Variants in COPB1 observed in about 807,000 individuals in gnomAD.
COPB1 encodes coatomer subunit beta.
COPB1 carries 21 observed loss-of-function variants against 108.7 expected under a neutral mutation model. The ratio of observed to expected loss-of-function variants is 0.19; its 90% CI spans 0.14 to 0.28. COPB1 has a LOEUF of 0.28. Among genes scored for constraint, COPB1 ranks in the 10% least tolerant of loss-of-function variants. COPB1 has a pLI of 1.00. For synonymous variants in COPB1, 378 were observed against 386.8 expected, an observed-to-expected ratio of 0.98 and a Z score of 0.27; for missense variants, 919 against 1,141.3, an observed-to-expected ratio of 0.81 and a Z score of 2.81.
Position 14,498,899 on chromosome 11 carries a change from C to A in COPB1, c.30G>T (p.Thr10=). MTAAENVCY[T]LINVPMDSEP... ...CTGAATCCATTGGCACGTTAATTAA[C>A]GTGTAGCATACGTTCTCAGCCGCCG... Residue 10 remains threonine (T), a synonymous_variant, in exon 2 of 22, where the codon ACG becomes ACT. Coordinates refer to ENST00000439561, the MANE Select transcript of COPB1 (RefSeq NM_001144061.2). The A allele has an allele frequency of 6.2e-7, 1 of 1,610,030 alleles. No individual in the cohort carries two copies. Among genetic ancestry groups the A allele is most frequent in the South Asian group, 1.1e-5 (1 of 89,832 alleles).
chr11:14,489,222 C>T (rs1484674247), intron 5 of COPB1, among the ~76,000 whole-genome samples: 3 of 152,160 alleles, frequency 2.0e-5, no homozygotes, highest in Non-Finnish European at 4.4e-5. Context: ...AAAACAATAG[C>T]AACAAGTGTT....
At chr11:14,488,457 A>G in intron 6 of COPB1, 35 bp downstream of exon 6, 1 of 1,353,910 alleles carries the variant, frequency 7.4e-7, no homozygotes, top group Non-Finnish European at 1.0e-6. Flanking sequence ...TAAACTGCTG[A>G]GTTTATTTTA....
intron 19 of COPB1, 136 bp from the exon 20 acceptor site, chr11:14,460,433 T>A: frequency 3.4e-6 from 2 of 583,416 alleles, no homozygotes; most frequent in Non-Finnish European, 6.0e-6. Flanking sequence ...CTAAATAACA[T>A]CTATAAAATC....
chr11:14,468,886 CTCTT>C (rs776249852), intron 15 of COPB1, 26 bp from the exon 16 acceptor site: 1 of 1,587,044 alleles, frequency 6.3e-7, no homozygotes, highest in Non-Finnish European at 8.6e-7. Context: ...AACAAAGTCT[CTCTT>C]TAATATGAAA....
chr11:14,461,435 T>C (rs568704335), intron 18 of COPB1, 104 bp from the exon 19 acceptor site: 3 of 1,177,958 alleles, frequency 2.5e-6, no homozygotes, highest in South Asian at 2.9e-5. Context: ...AACAATAAGA[T>C]TGTTTATATA....
At chr11:14,482,667 T>G (rs894858267) in intron 8 of COPB1, among the ~76,000 whole-genome samples, 1 of 152,136 alleles carries the variant, frequency 6.6e-6, no homozygotes, top group African/African-American at 2.4e-5. Context: ...CCCAAGTAGT[T>G]GGGATTACAG....
In COPB1 at chr11:14,498,917, A is replaced by G. The variant is rs978588380; in HGVS notation, c.12T>C (p.Ala4=). MTA[A]ENVCYTLINV... ...TAATTAACGTGTAGCATACGTTCTC[A>G]GCCGCCGTCATGGTTTCTGGTTATA... Residue 4 remains alanine (A), a synonymous_variant, in exon 2 of 22, where the codon GCT becomes GCC. Transcript: ENST00000439561. The G allele has an allele frequency of 5.6e-6, 9 of 1,608,320 alleles. No individual in the cohort carries two copies. The highest frequency in any genetic ancestry group is 2.2e-5 in the East Asian group (1 of 44,796).
Position 14,461,253 on chromosome 11 carries a change from A to C in COPB1, c.2489T>G (p.Ile830Ser). Residue 830 changes from isoleucine to serine, a missense_variant, in exon 19 of 22, where the codon ATC becomes AGC. By Grantham distance (142) the Ile-to-Ser change is moderately radical. Coordinates refer to ENST00000439561, the MANE Select transcript of COPB1 (RefSeq NM_001144061.2). Reference sequence around the variant, plus strand: ...TGCATCAGTGCAAGTTGCAGGCTGGATATAGTCCATGATGTCGATGTGAAT... The same window carrying C: ...TGCATCAGTGCAAGTTGCAGGCTGGCTATAGTCCATGATGTCGATGTGAAT... Reference protein sequence around the residue: ...SDIHIDIMDYIQPATCTDAEF... With the variant: ...SDIHIDIMDYSQPATCTDAEF... 1.2e-6 allele frequency: 2 copies of C among 1,614,186 alleles called. No homozygotes were observed.
At chr11:14,495,754 T>G (rs151285412) in intron 2 of COPB1, among the ~76,000 whole-genome samples, 477 of 152,338 alleles carry the variant, frequency 3.1e-3, no homozygotes, top group South Asian at 9.1e-3. Context: ...CAGCTTCAAT[T>G]AAGACTAGGG....
At chr11:14,457,957 C>A in intron 21 of COPB1, 74 bp from the exon 22 acceptor site, 1 of 865,960 alleles carries the variant, frequency 1.2e-6, no homozygotes, top group Non-Finnish European at 1.7e-6. Flanking sequence ...TATTATTAAG[C>A]CCCAATTCAA....
At position 14,479,474 on chromosome 11, in the gene COPB1, T is replaced by C. The variant is rs1302720221; in HGVS notation, c.1358+95A>G. 8 of 1,229,402 alleles carry C rather than the reference T, an allele frequency of 6.5e-6. No individual in the cohort carries two copies. The South Asian group carries it at 1.3e-4, about 19-fold the overall frequency. 76.2% of individuals were successfully genotyped at this position (1,229,402 alleles called of 1,614,324 possible). ...AACTTGTCTTATTTTGGCTTGATTG[T>C]CCTCTCCATTCTATTTTCTATCAAC... On this transcript the variant is annotated intron_variant, in intron 11 of 21. Coordinates refer to ENST00000439561, the MANE Select transcript of COPB1 (RefSeq NM_001144061.2).
chr11:14,475,647 C>A, intron 13 of COPB1, 138 bp downstream of exon 13: 2 of 751,750 alleles, frequency 2.7e-6, no homozygotes, highest in Non-Finnish European at 1.9e-6. Flanking sequence ...AAACATCCTC[C>A]GCTTCTCAAG....
In COPB1 at chr11:14,467,995, T is replaced by C. The variant is rs1323931874; in HGVS notation, c.2145+686A>G. On this transcript the variant is annotated intron_variant, in intron 16 of 21. Coordinates refer to ENST00000439561, the MANE Select transcript of COPB1 (RefSeq NM_001144061.2). ...TGCATAACAATATGAATTTAATTAA[T>C]GCCACAGAACTGTACACTTACAAAT... Among the ~76,000 whole-genome samples, 10 of 152,304 alleles carry C rather than the reference T, an allele frequency of 6.6e-5. No homozygotes were observed. In the East Asian group the frequency reaches 1.7e-3, roughly 26 times the overall value.
At chr11:14,462,002 T>C (rs1049144684) in intron 18 of COPB1, among the ~76,000 whole-genome samples, 6 of 152,134 alleles carry the variant, frequency 3.9e-5, no homozygotes, top group African/African-American at 1.4e-4. Flanking sequence ...AGTTATACTG[T>C]ATTGTTTAGG....
At position 14,498,944 on chromosome 11, in the gene COPB1, T is replaced by C; in HGVS notation, c.-16A>G. 1 of 1,593,994 alleles carries C rather than the reference T, an allele frequency of 6.3e-7. No individual in the cohort carries two copies. Among genetic ancestry groups the C allele is most frequent in the African/African-American group, 1.3e-5 (1 of 74,088 alleles). On this transcript the variant is annotated 5_prime_UTR_variant, in exon 2 of 22. The change creates a new upstream start codon in the 5' untranslated region. Coordinates refer to ENST00000439561, the MANE Select transcript of COPB1 (RefSeq NM_001144061.2). ...CCGCCGTCATGGTTTCTGGTTATAT[T>C]ATAACCAATCCTTGACACAAGATTT...
chr11:14,463,511 T>C (rs1850207564), intron 18 of COPB1, among the ~76,000 whole-genome samples: 1 of 152,150 alleles, frequency 6.6e-6, no homozygotes, highest in Admixed American at 6.5e-5. Context: ...AGAGACAGGA[T>C]TTCGCTATGT....
rs147067647 is a variant in COPB1, at chr11:14,482,082, A to G, written c.957+950T>C. Among the ~76,000 whole-genome samples the G allele has an allele frequency of 3.5e-3, 528 of 152,226 alleles. 7 individuals are homozygous for G. The highest frequency in any genetic ancestry group is 0.012 in the African/African-American group (514 of 41,554). ...GCTGCGATTTTAGGCATGAGCCACC[A>G]CACCTGGCCCACATTTGCTCTTTAC... On this transcript the variant is annotated intron_variant, in intron 8 of 21. Transcript: ENST00000439561.
chr11:14,464,574 C>T (rs1377560633), intron 18 of COPB1, among the ~76,000 whole-genome samples: 1 of 152,178 alleles, frequency 6.6e-6, no homozygotes, highest in South Asian at 2.1e-4. Flanking sequence ...AACACACCAT[C>T]TTCCTTTATA....
At chr11:14,463,957 C>A (rs1186740265) in intron 18 of COPB1, among the ~76,000 whole-genome samples, 1 of 152,192 alleles carries the variant, frequency 6.6e-6, no homozygotes, top group South Asian at 2.1e-4. Flanking sequence ...CCTGCCTCTT[C>A]CAATCAACCT....
Sources: allele counts gnomAD v4.1 joint callset (sites outside exome capture counted in the v4.1 genomes callset), GRCh38; gene constraint gnomAD v4.1.1; transcripts MANE v1.5; gene names NCBI Gene and HGNC (gene_info 2026-07-23, HGNC 2026-07-21).